The following RNF157 variants were observed in gnomAD, a reference collection of about 807,000 sequenced individuals.
RNF157 encodes E3 ubiquitin ligase RNF157.
A neutral mutation model predicts 88.3 loss-of-function variants in RNF157; 55 were observed. The ratio of observed to expected loss-of-function variants is 0.62; its 90% CI spans 0.50 to 0.78. The LOEUF is 0.78. Ranked by LOEUF, RNF157 falls within the 30% of genes least tolerant of loss-of-function variation. RNF157 has a pLI of 0.00. For missense variants in RNF157, 788 were observed against 860.8 expected, an observed-to-expected ratio of 0.92 and a Z score of 1.06; for synonymous variants, 334 against 341.2, an observed-to-expected ratio of 0.98 and a Z score of 0.23.
intron 1 of RNF157, chr17:76,226,782 T>C (rs1372757338): frequency 4.5e-6 from 7 of 1,567,360 alleles, no homozygotes; most frequent in South Asian, 2.4e-5. Context: ...AACACCTCGT[T>C]GCTCAGGAAG....
chr17:76,161,023 C>T lies in RNF157; in HGVS notation c.1065+512G>A, dbSNP rs1173610348. Among the ~76,000 whole-genome samples, 1 of 152,244 alleles carries T rather than the reference C, an allele frequency of 6.6e-6. No individual in the cohort carries two copies. The highest frequency in any genetic ancestry group is 2.4e-5 in the African/African-American group (1 of 41,534). On this transcript the variant is annotated intron_variant, in intron 11 of 18. Transcript: ENST00000269391. This position sits in a 1 kb window ranked among gnomAD's most constrained non-coding sequence, Gnocchi z 4.6. ...TAAATAATAATCTCTCCCAGCAGTG[C>T]GTTAGTCTAAAGAAAGACAGTATCT...
intron 2 of RNF157, among the ~76,000 whole-genome samples, chr17:76,207,696 T>C (rs146038844): frequency 3.2e-4 from 48 of 152,286 alleles, no homozygotes; most frequent in Admixed American, 1.3e-3. Context: ...CTTGCTCCCC[T>C]GTAACCTAAC....
At chr17:76,191,459 T>G (rs1309582071) in intron 2 of RNF157, among the ~76,000 whole-genome samples, 1 of 151,910 alleles carries the variant, frequency 6.6e-6, no homozygotes, top group Non-Finnish European at 1.5e-5. Context: ...AAAAATTAGC[T>G]GGGCGTGGTG....
chr17:76,184,078 C>G (rs2069241691), intron 2 of RNF157, among the ~76,000 whole-genome samples: 2 of 151,580 alleles, frequency 1.3e-5, no homozygotes, highest in Non-Finnish European at 1.5e-5. Context: ...GTAATCCTAG[C>G]TACTTGGGAG....
chr17:76,196,328 A>G (rs1459836002), intron 2 of RNF157, among the ~76,000 whole-genome samples: 2 of 152,230 alleles, frequency 1.3e-5, no homozygotes, highest in African/African-American at 4.8e-5. Flanking sequence ...ACCAGGACAG[A>G]AGTTAGGATT....
chr17:76,200,250 A>C (rs1042217646), intron 2 of RNF157, among the ~76,000 whole-genome samples: 61 of 152,254 alleles, frequency 4.0e-4, no homozygotes, highest in African/African-American at 1.3e-3. Context: ...TTGTCAAAAA[A>C]AAAAACAAAA....
intron 1 of RNF157, among the ~76,000 whole-genome samples, chr17:76,217,284 C>T (rs1208073494): frequency 6.6e-6 from 1 of 152,076 alleles, no homozygotes; most frequent in Non-Finnish European, 1.5e-5. Flanking sequence ...GTTGGGATTA[C>T]AGGTGTGAGC....
rs529013188 is a variant in RNF157 at position 76,161,457 on chromosome 17, C to T, written c.1065+78G>A. 38 of 1,094,682 alleles carry T rather than the reference C, an allele frequency of 3.5e-5. No homozygotes were observed. Among genetic ancestry groups the T allele is most frequent in the African/African-American group, 1.5e-4 (10 of 64,912 alleles). The allele number at this position is 1,094,682 out of a possible 1,614,324, so 67.8% of individuals were successfully genotyped here. ...GGTCTAATTCCTTGCTGCAATGCCACGTAGAGAAGCATGAAAAGTTTAAAA... is the reference window on the plus strand; with the variant it reads ...GGTCTAATTCCTTGCTGCAATGCCATGTAGAGAAGCATGAAAAGTTTAAAA... On this transcript the variant is annotated intron_variant, in intron 11 of 18. Coordinates refer to ENST00000269391, the MANE Select transcript of RNF157 (RefSeq NM_052916.3). The surrounding 1 kb of genome is among the most constrained non-coding windows in gnomAD (Gnocchi z 4.6).
chr17:76,161,817 A>G lies in RNF157; in HGVS notation c.952+26T>C, dbSNP rs1257267346. The G allele has an allele frequency of 6.2e-7, 1 of 1,608,528 alleles. No homozygotes were observed. The highest frequency in any genetic ancestry group is 2.2e-5 in the East Asian group (1 of 44,770). ...CCTCTTGTCCCCTCTCCCACCCACC[A>G]GTCCCCCTGCCGCTCTGGGGCTTAC... On this transcript the variant is annotated intron_variant, in intron 10 of 18. Transcript: ENST00000269391. This position sits in a 1 kb window ranked among gnomAD's most constrained non-coding sequence, Gnocchi z 4.6.
chr17:76,173,622 C>T, intron 3 of RNF157, 80 bp downstream of exon 3: 2 of 1,106,168 alleles, frequency 1.8e-6, no homozygotes. Flanking sequence ...TGTATGAGTT[C>T]CTTGGGAAGT....
rs1410424286 is a variant in RNF157 at position 76,146,972 on chromosome 17, A to C, written c.1922-1619T>G. The C allele has an allele frequency of 9.1e-6, 9 of 985,304 alleles. No homozygotes were observed. The highest frequency in any genetic ancestry group is 1.1e-5 in the Non-Finnish European group (9 of 829,940). 61.0% of individuals were successfully genotyped at this position (985,304 alleles called of 1,614,324 possible). A position where few individuals can be genotyped will look rare whatever the true frequency, so the allele number is the denominator to read the frequency against. Reference sequence around the variant, plus strand: ...ATTTCCATCAATGCCTTGGTGTGCTAATCCACCTCAGGCTCTAGTAACAGT... The same window carrying C: ...ATTTCCATCAATGCCTTGGTGTGCTCATCCACCTCAGGCTCTAGTAACAGT... On this transcript the variant is annotated intron_variant, in intron 18 of 18. Transcript: ENST00000269391. The surrounding 1 kb of genome is among the most constrained non-coding windows in gnomAD (Gnocchi z 4.2).
At chr17:76,232,796 G>C (rs2070216086) in intron 1 of RNF157, among the ~76,000 whole-genome samples, 1 of 152,152 alleles carries the variant, frequency 6.6e-6, no homozygotes, top group Non-Finnish European at 1.5e-5. Flanking sequence ...AATTCTAATA[G>C]GTGTGAAATG....
chr17:76,197,890 C>T (rs567998723), intron 2 of RNF157, among the ~76,000 whole-genome samples: 6 of 152,298 alleles, frequency 3.9e-5, no homozygotes, highest in East Asian at 1.9e-4. Flanking sequence ...GAGATGGGAA[C>T]GTCTGTGTAT....
intron 2 of RNF157, chr17:76,212,114 G>T: frequency 3.2e-6 from 1 of 316,362 alleles, no homozygotes; most frequent in Non-Finnish European, 5.8e-6. Context: ...AGAGGTGACA[G>T]GGAGAGATCT....
intron 1 of RNF157, among the ~76,000 whole-genome samples, chr17:76,221,102 C>A (rs1029219999): frequency 2.0e-5 from 3 of 152,076 alleles, no homozygotes; most frequent in Non-Finnish European, 4.4e-5. Flanking sequence ...GCCTGGGCAA[C>A]AGAGACCCTA....
At chr17:76,210,643 A>C (rs980179436) in intron 2 of RNF157, among the ~76,000 whole-genome samples, 1 of 151,218 alleles carries the variant, frequency 6.6e-6, no homozygotes, top group Admixed American at 6.6e-5. Context: ...AACCAAAAAA[A>C]TAATTATTTT....
intron 1 of RNF157, among the ~76,000 whole-genome samples, chr17:76,230,855 AAAAAG>A (rs1452518833): frequency 1.5e-4 from 14 of 92,456 alleles, no homozygotes; most frequent in African/African-American, 5.0e-4. Context: ...AAAAAAAAAA[AAAAAG>A]AGAGAGAGAG....
Position 76,162,553 on chromosome 17 carries a change from T to C in RNF157, c.791A>G (p.Lys264Arg). The change falls in exon 9 of 19, where the codon AAG (lysine) becomes AGG (arginine). Residue 264 changes from lysine to arginine, a missense_variant and splice_region_variant. Transcript: ENST00000269391. ...TTCAGAATTTTGGGTAAAACTTACC[T>C]TAGAATCTTGTGTGTTGTACTTGTT... ...IENKYNTQDS[K>R]VAEDEVSDNS... 1 of 1,611,874 alleles carries C rather than the reference T, an allele frequency of 6.2e-7. No individual in the cohort carries two copies. The highest frequency in any genetic ancestry group is 8.5e-7 in the Non-Finnish European group (1 of 1,178,350).
rs1455359692 is a variant in RNF157, at chr17:76,176,634, C to T, written c.208-2844G>A. Among the ~76,000 whole-genome samples, 1 of 152,184 alleles carries T rather than the reference C, an allele frequency of 6.6e-6. No individual in the cohort carries two copies. Among genetic ancestry groups the T allele is most frequent in the Non-Finnish European group, 1.5e-5 (1 of 68,024 alleles). On this transcript the variant is annotated intron_variant, in intron 2 of 18. Coordinates refer to ENST00000269391, the MANE Select transcript of RNF157 (RefSeq NM_052916.3). This position sits in a 1 kb window ranked among gnomAD's most constrained non-coding sequence, Gnocchi z 4.2. The stretch of plus-strand genomic sequence containing the variant: ...GGGTCGCAGGGAGCAGACAGACAGC[C>T]CCTCCACAGCTTGCCGCCCTGGAGG...
Sources: allele counts gnomAD v4.1 joint callset (sites outside exome capture counted in the v4.1 genomes callset), GRCh38; gene constraint gnomAD v4.1.1; non-coding constraint Gnocchi (gnomAD v3.1); transcripts MANE v1.5; gene names NCBI Gene and HGNC (gene_info 2026-07-23, HGNC 2026-07-21).